Variants in ST8SIA2 observed in about 807,000 individuals in gnomAD.
ST8SIA2 encodes the protein ST8 alpha-N-acetyl-neuraminide alpha-2,8-sialyltransferase 2, also known as alpha-2,8-sialyltransferase 8B.
Under a neutral mutation model 37.6 loss-of-function variants are expected in ST8SIA2, and 22 were observed. That is an observed-to-expected ratio of 0.58 (90% CI 0.42 to 0.83). The LOEUF (loss-of-function observed/expected upper bound fraction) is 0.83, where lower values mean the gene tolerates loss of function less well. Ranked by LOEUF, ST8SIA2 falls within the 40% of genes least tolerant of loss-of-function variation. The pLI, the probability that ST8SIA2 is intolerant of heterozygous loss-of-function variation, is 0.00. For missense variants in ST8SIA2, 382 were observed against 484.7 expected, an observed-to-expected ratio of 0.79 and a Z score of 1.99; for synonymous variants, 205 against 201.2, an observed-to-expected ratio of 1.02 and a Z score of -0.16.
chr15:92,444,955 A>G (rs757097475), intron 5 of ST8SIA2, 26 bp downstream of exon 5: 3 of 1,605,048 alleles, frequency 1.9e-6, no homozygotes, highest in South Asian at 1.1e-5. Context: ...ACAGGCCAGT[A>G]GGACCGTCAC....
Position 92,444,776 on chromosome 15 carries a change from TGCACA to T in ST8SIA2, c.692_696del (p.His231ProfsTer21). 1 of 1,614,132 alleles carries T rather than the reference TGCACA, an allele frequency of 6.2e-7. No homozygotes were observed. Among genetic ancestry groups the T allele is most frequent in the Non-Finnish European group, 8.5e-7 (1 of 1,180,036 alleles). On this transcript the variant is annotated frameshift_variant, in exon 5 of 6. Coordinates refer to ENST00000268164, the MANE Select transcript of ST8SIA2 (RefSeq NM_006011.4). LOFTEE classifies it high-confidence loss of function. Reference sequence around the variant, plus strand: ...TGGCGGGAGAAGCTGCTGCAACGGCTGCACAGCCTCAATGGCAGCATCCTGTGGAT... The same window carrying T: ...TGGCGGGAGAAGCTGCTGCAACGGCTGCCTCAATGGCAGCATCCTGTGGAT...
At chr15:92,433,083 T>A (rs2049728440) in intron 2 of ST8SIA2, among the ~76,000 whole-genome samples, 1 of 150,960 alleles carries the variant, frequency 6.6e-6, no homozygotes, top group East Asian at 2.0e-4. Context: ...TGAGCTGAGA[T>A]CATGCCACTG....
At chr15:92,450,282 CAA>C (rs996618156) in intron 5 of ST8SIA2, among the ~76,000 whole-genome samples, 1 of 152,092 alleles carries the variant, frequency 6.6e-6, no homozygotes, top group Non-Finnish European at 1.5e-5. Flanking sequence ...CGAAAATGGG[CAA>C]AAGACTTGGA....
chr15:92,422,222 A>G (rs960571251), intron 1 of ST8SIA2: 4 of 152,208 alleles, frequency 2.6e-5, no homozygotes, highest in African/African-American at 9.7e-5. Flanking sequence ...GGCATGGACA[A>G]TAGCCTCTAG....
intron 1 of ST8SIA2, among the ~76,000 whole-genome samples, chr15:92,403,773 T>A (rs1441491033): frequency 6.6e-6 from 1 of 152,198 alleles, no homozygotes; most frequent in Non-Finnish European, 1.5e-5. Flanking sequence ...ACTGCATCTC[T>A]TGAGGTTCCC....
At chr15:92,437,432 C>A (rs1433762895) in intron 3 of ST8SIA2, among the ~76,000 whole-genome samples, 2 of 152,214 alleles carry the variant, frequency 1.3e-5, no homozygotes, top group Non-Finnish European at 2.9e-5. Flanking sequence ...TTTCTTTGTG[C>A]TTTGCTAGAT....
chr15:92,423,839 T>C (rs2049654855), intron 1 of ST8SIA2, among the ~76,000 whole-genome samples: 1 of 152,236 alleles, frequency 6.6e-6, no homozygotes, highest in South Asian at 2.1e-4. Flanking sequence ...TAGCAGATGG[T>C]AAATTTCATG....
intron 1 of ST8SIA2, among the ~76,000 whole-genome samples, chr15:92,411,645 A>G (rs2049550159): frequency 6.6e-6 from 1 of 152,210 alleles, no homozygotes; most frequent in Admixed American, 6.5e-5. Flanking sequence ...ATAAGAGGGC[A>G]GCAGAACCAC....
intron 1 of ST8SIA2, among the ~76,000 whole-genome samples, chr15:92,423,351 G>T (rs1308060771): frequency 6.6e-6 from 1 of 152,258 alleles, no homozygotes; most frequent in Non-Finnish European, 1.5e-5. Context: ...AACCTGGGAA[G>T]TGGAGGGTGC....
intron 1 of ST8SIA2, among the ~76,000 whole-genome samples, chr15:92,397,653 C>A (rs1685452549): frequency 6.6e-6 from 1 of 152,176 alleles, no homozygotes; most frequent in Non-Finnish European, 1.5e-5. Flanking sequence ...CTAAAATCTT[C>A]TGATTGTTTC....
rs367631653 is a variant in ST8SIA2 at position 92,438,334 on chromosome 15, G to A, written c.291-19G>A. On this transcript the variant is annotated intron_variant, in intron 3 of 5. Transcript: ENST00000268164. ...CTGGCACCCTGGAGAATTTCCTCACGCATGTTTGGTTTTCACAGGAAGCAG... is the reference window on the plus strand; with the variant it reads ...CTGGCACCCTGGAGAATTTCCTCACACATGTTTGGTTTTCACAGGAAGCAG... The A allele has an allele frequency of 8.7e-6, 14 of 1,614,038 alleles. No individual in the cohort carries two copies. The highest frequency in any genetic ancestry group is 5.3e-5 in the African/African-American group (4 of 74,906).
rs369862406 is a variant in ST8SIA2 at position 92,411,642 on chromosome 15, G to A, written c.98+17480G>A. On this transcript the variant is annotated intron_variant, in intron 1 of 5. Coordinates refer to ENST00000268164, the MANE Select transcript of ST8SIA2 (RefSeq NM_006011.4). ...TACTGGAGCAACTAGGGGATAAGAG[G>A]GCAGCAGAACCACCCCTCTTTCATT... is the stretch of plus-strand genomic sequence containing the variant. 9.9e-5 allele frequency among the ~76,000 whole-genome samples: 15 copies of A among 152,210 alleles called. No homozygotes were observed. The South Asian group carries it at 3.1e-3, about 32-fold the overall frequency.
intron 1 of ST8SIA2, among the ~76,000 whole-genome samples, chr15:92,424,475 C>T (rs2141823195): frequency 6.6e-6 from 1 of 152,260 alleles, no homozygotes; most frequent in South Asian, 2.1e-4. Context: ...TTGCTTTTCA[C>T]TAGAATAGAT....
chr15:92,464,091 T>TC lies in ST8SIA2; in HGVS notation c.843-9_843-8insC, dbSNP rs2049975487. ...TCTTTTCTTTTTTTTTTTTTTTTTTTTTTTCCAGATACTGGCTGACCAACA... is the reference window on the plus strand; with the variant it reads ...TCTTTTCTTTTTTTTTTTTTTTTTTTCTTTTCCAGATACTGGCTGACCAACA... On this transcript the variant is annotated splice_polypyrimidine_tract_variant and intron_variant, in intron 5 of 5. Transcript: ENST00000268164. 6.6e-7 allele frequency: 1 copy of TC among 1,517,656 alleles called. No individual in the cohort carries two copies. Among genetic ancestry groups the TC allele is most frequent in the Non-Finnish European group, 8.8e-7 (1 of 1,141,728 alleles). 94.0% of individuals were successfully genotyped at this position (1,517,656 alleles called of 1,614,324 possible).
chr15:92,418,462 CAA>C (rs34061544), intron 1 of ST8SIA2, among the ~76,000 whole-genome samples: 54,930 of 99,096 alleles, frequency 0.55, 13,207 homozygotes, highest in East Asian at 0.72. Flanking sequence ...GACCCTCCCT[CAA>C]AAAAAAAAAA....
intron 4 of ST8SIA2, among the ~76,000 whole-genome samples, chr15:92,441,971 T>TAC (rs1236042096): frequency 3.3e-5 from 5 of 152,166 alleles, no homozygotes; most frequent in African/African-American, 1.2e-4. Context: ...GTGTGGTGGT[T>TAC]TCTGGAAGGG....
intron 5 of ST8SIA2, among the ~76,000 whole-genome samples, chr15:92,450,820 C>T (rs1361436304): frequency 6.6e-6 from 1 of 152,232 alleles, no homozygotes; most frequent in Non-Finnish European, 1.5e-5. Flanking sequence ...ACTTCATACC[C>T]TCTAGCATGG....
chr15:92,456,848 C>T (rs2049923068), intron 5 of ST8SIA2, among the ~76,000 whole-genome samples: 1 of 152,186 alleles, frequency 6.6e-6, no homozygotes, highest in South Asian at 2.1e-4. Flanking sequence ...TTGAGGCTAG[C>T]CTGGCTTACT....
chr15:92,458,088 A>G (rs1358789617), intron 5 of ST8SIA2, among the ~76,000 whole-genome samples: 1 of 152,144 alleles, frequency 6.6e-6, no homozygotes, highest in African/African-American at 2.4e-5. Flanking sequence ...AGGATAATCA[A>G]TCCTAGGCTA....
Sources: gnomAD v4.1 joint callset for allele counts (sites outside exome capture counted in the v4.1 genomes callset) on GRCh38, gnomAD v4.1.1 for gene constraint, MANE v1.5 for transcripts, NCBI Gene and HGNC (gene_info 2026-07-23, HGNC 2026-07-21) for gene names.